The following MUC5B variants were observed in gnomAD, a reference collection of about 807,000 sequenced individuals.
MUC5B encodes mucin 5B, oligomeric mucus/gel-forming.
In MUC5B, 116 loss-of-function variants were observed where a neutral mutation model predicts 376.9. The observed-to-expected ratio is 0.31, with a 90% CI of 0.26 to 0.36. The LOEUF (loss-of-function observed/expected upper bound fraction) is 0.36. Ranked by LOEUF, MUC5B falls within the 10% of genes least tolerant of loss-of-function variation. The pLI is 1.00. For missense variants in MUC5B, 7,165 were observed against 7,769.9 expected (o/e 0.92, Z 2.93); for synonymous variants, 3,517 against 3,390.9 (o/e 1.04, Z -1.29).
chr11:1,249,260 G>A lies in MUC5B; in HGVS notation c.12380G>A (p.Gly4127Asp). 1.2e-6 allele frequency: 2 copies of A among 1,611,472 alleles called. No individual in the cohort carries two copies. Among genetic ancestry groups the A allele is most frequent in the Non-Finnish European group, 1.7e-6 (2 of 1,179,598 alleles). The change falls in exon 31 of 49, where the codon GGC (glycine) becomes GAC (aspartate). Residue 4127 changes from glycine to aspartate, a missense_variant. Physicochemically the swap from Gly to Asp is moderately conservative, Grantham distance 94 (BLOSUM62 -1). Coordinates refer to ENST00000529681, the MANE Select transcript of MUC5B (RefSeq NM_002458.3). Reference protein sequence around the residue: ...SAPITTVVTTGCEPQCAWSEW... With the variant: ...SAPITTVVTTDCEPQCAWSEW... ...CCCATAACCACGGTGGTGACCACGG[G>A]CTGTGAGCCCCAGTGTGCCTGGTCA...
At position 1,247,676 on chromosome 11, in the gene MUC5B, C is replaced by A. The variant is rs762446473; in HGVS notation, c.10796C>A (p.Ser3599Tyr). 4 of 1,596,748 alleles carry A rather than the reference C, an allele frequency of 2.5e-6. No homozygotes were observed. The highest frequency in any genetic ancestry group is 3.4e-6 in the Non-Finnish European group (4 of 1,169,616). ...TCTGGCGGGGACTTTGACACCTACTCCAACATCCGTGCGGCCGGAGGGGCA... is the reference window on the plus strand; with the variant it reads ...TCTGGCGGGGACTTTGACACCTACTACAACATCCGTGCGGCCGGAGGGGCA... ...GPSGGDFDTY[S>Y]NIRAAGGAVC... Residue 3599 changes from serine (S) to tyrosine (Y), a missense_variant, in exon 31 of 49, where the codon TCC becomes TAC. Coordinates refer to ENST00000529681, the MANE Select transcript of MUC5B (RefSeq NM_002458.3).
rs775767600 is a variant in MUC5B at position 1,247,275 on chromosome 11, C to A, written c.10395C>A (p.His3465Gln). ...GGTCCCTGCCCCCCAGCAGTCCCCA[C>A]ACGGTGCGCACAGCCTGGACTTCGG... is the stretch of plus-strand genomic sequence containing the variant. ...HGRSLPPSSP[H>Q]TVRTAWTSAT... is the part of the protein sequence containing the mutation. The change falls in exon 31 of 49, where the codon CAC becomes CAA. Residue 3465 changes from histidine to glutamine, a missense_variant. His to Gln is a conservative substitution (Grantham distance 24). Around this residue, in one of 31 missense-constraint regions of MUC5B, gnomAD observed 939 missense variants for 770.6 expected, o/e 1.22. Transcript: ENST00000529681. The A allele has an allele frequency of 8.7e-6, 14 of 1,611,964 alleles. No homozygotes were observed. The African/African-American group carries it at 1.6e-4, about 18-fold the overall frequency.
chr11:1,244,583 C>T lies in MUC5B; in HGVS notation c.7703C>T (p.Ser2568Phe), dbSNP rs776484432. Reference sequence around the variant, plus strand: ...GCCACCATGTCCACAGCCACACCCTCCTCCACTCCAGAGACTGTCCACACC... The same window carrying T: ...GCCACCATGTCCACAGCCACACCCTTCTCCACTCCAGAGACTGTCCACACC... ...PTATMSTATP[S>F]STPETVHTST... The change falls in exon 31 of 49, where the codon TCC becomes TTC. Residue 2568 changes from serine (S) to phenylalanine (F), a missense_variant. Ser to Phe is a radical substitution (Grantham distance 155). This residue lies in a region of MUC5B where 194 missense variants were observed against 268.5 expected (regional missense o/e 0.72). Transcript: ENST00000529681. 6 of 1,613,424 alleles carry T rather than the reference C, an allele frequency of 3.7e-6. No homozygotes were observed.
chr11:1,245,346 C>T lies in MUC5B; in HGVS notation c.8466C>T (p.Pro2822=). 1 of 1,595,444 alleles carries T rather than the reference C, an allele frequency of 6.3e-7. No individual in the cohort carries two copies. Among genetic ancestry groups the T allele is most frequent in the African/African-American group, 1.4e-5 (1 of 72,476 alleles). Residue 2822 remains proline (P), a synonymous_variant, in exon 31 of 49, where the codon CCC becomes CCT. Coordinates refer to ENST00000529681, the MANE Select transcript of MUC5B (RefSeq NM_002458.3). ...CTAGCAGCAGGACCACCGAGTCACC[C>T]CCTTCTCCAGGGACGACCACCCCGG... ...PHPSSRTTES[P]PSPGTTTPGH... is the part of the protein sequence containing the mutation.
Position 1,236,579 on chromosome 11 carries a change from C to A in MUC5B, c.3057+17C>A, listed in dbSNP as rs1436637865. On this transcript the variant is annotated intron_variant, in intron 24 of 48. Coordinates refer to ENST00000529681, the MANE Select transcript of MUC5B (RefSeq NM_002458.3). ...GACTACAAGGTGAGCTCGGGCCGTGCACTCCTAGGCCCTGCAGGACCCTCT... is the reference window on the plus strand; with the variant it reads ...GACTACAAGGTGAGCTCGGGCCGTGAACTCCTAGGCCCTGCAGGACCCTCT... 1 of 1,607,630 alleles carries A rather than the reference C, an allele frequency of 6.2e-7. No individual in the cohort carries two copies. Among genetic ancestry groups the A allele is most frequent in the Non-Finnish European group, 8.5e-7 (1 of 1,176,478 alleles).
At position 1,225,593 on chromosome 11, in the gene MUC5B, C is replaced by T. The variant is rs562213970; in HGVS notation, c.71-88C>T. 1.6e-4 allele frequency: 200 copies of T among 1,234,982 alleles called. 1 individual carries two copies. The South Asian group carries it at 2.2e-3, about 14-fold the overall frequency. 76.5% of individuals were successfully genotyped at this position (1,234,982 alleles called of 1,614,324 possible). On this transcript the variant is annotated intron_variant, in intron 1 of 48. Transcript: ENST00000529681. ...CCAAGGACCCCACATGCGGCTGCCGCACCAGGGATGTGGCCAGGTCCGTGG... is the reference window on the plus strand; with the variant it reads ...CCAAGGACCCCACATGCGGCTGCCGTACCAGGGATGTGGCCAGGTCCGTGG...
intron 6 of MUC5B, 75 bp downstream of exon 6, chr11:1,227,473 G>A: frequency 8.3e-7 from 1 of 1,210,702 alleles, no homozygotes; most frequent in Non-Finnish European, 1.2e-6. Context: ...GGGGAGGCCG[G>A]GAGGGGGCGG....
chr11:1,260,342 C>T lies in MUC5B; in HGVS notation c.16924-9C>T. 9 of 1,612,290 alleles carry T rather than the reference C, an allele frequency of 5.6e-6. No individual in the cohort carries two copies. Among genetic ancestry groups the T allele is most frequent in the Non-Finnish European group, 7.6e-6 (9 of 1,179,604 alleles). On this transcript the variant is annotated splice_polypyrimidine_tract_variant and intron_variant, in intron 46 of 48. Coordinates refer to ENST00000529681, the MANE Select transcript of MUC5B (RefSeq NM_002458.3). ...CACAGCCCTGCCCCCTGTCTTTGGC[C>T]CCCACCAGGGGAGCCTCAGGAAAAC...
In MUC5B at chr11:1,239,631, C is replaced by T. The variant is rs560121554; in HGVS notation, c.3583+65C>T. Reference sequence around the variant, plus strand: ...GGGTTCCCGAGTGTACGTGGGGGGGCGGGGATCCCCAGGGACGCGGTGTAG... The same window carrying T: ...GGGTTCCCGAGTGTACGTGGGGGGGTGGGGATCCCCAGGGACGCGGTGTAG... On this transcript the variant is annotated intron_variant, in intron 27 of 48. Coordinates refer to ENST00000529681, the MANE Select transcript of MUC5B (RefSeq NM_002458.3). 8.0e-4 allele frequency: 1,222 copies of T among 1,518,938 alleles called. 19 individuals carry two copies. In the South Asian group the frequency reaches 0.014, roughly 18 times the overall value. 94.1% of individuals were successfully genotyped at this position (1,518,938 alleles called of 1,614,324 possible). A position where few individuals can be genotyped will look rare whatever the true frequency, so the allele number is the denominator to read the frequency against.
rs908325959 is a variant in MUC5B at position 1,228,725 on chromosome 11, G to C, written c.936G>C (p.Ala312=). The C allele has an allele frequency of 4.6e-6, 7 of 1,524,266 alleles. No homozygotes were observed. The highest frequency in any genetic ancestry group is 6.1e-6 in the Non-Finnish European group (7 of 1,138,308). 94.4% of individuals were successfully genotyped at this position (1,524,266 alleles called of 1,614,324 possible). A position where few individuals can be genotyped will look rare whatever the true frequency, so the allele number is the denominator to read the frequency against. ...AATACTCACGCCAGTGCGCCCACGC[G>C]GGGGGCCAGCCGCGGAACTGGAGGT... The part of the protein sequence containing the change: ...FVEYSRQCAH[A]GGQPRNWRCP... Residue 312 remains alanine (A), a synonymous_variant, in exon 8 of 49, where the codon GCG becomes GCC. Transcript: ENST00000529681.
chr11:1,232,325 A>C, intron 15 of MUC5B, 125 bp from the exon 16 acceptor site: 1 of 1,350,712 alleles, frequency 7.4e-7, no homozygotes, highest in Non-Finnish European at 1.0e-6. Flanking sequence ...GAACCCCCCA[A>C]GGCGCAGCAG....
chr11:1,251,255 T>G lies in MUC5B; in HGVS notation c.14375T>G (p.Val4792Gly). 2 of 1,611,092 alleles carry G rather than the reference T, an allele frequency of 1.2e-6. 1 individual carries two copies. ...STPETTHTST[V>G]LTTTATMTRA... is the part of the protein sequence containing the mutation. ...CCAGAGACCACCCACACCTCCACAG[T>G]GCTGACCACCACAGCCACCATGACA... The change falls in exon 31 of 49, where the codon GTG becomes GGG. Residue 4792 changes from valine (V) to glycine (G), a missense_variant. Physicochemically the swap from Val to Gly is moderately radical, Grantham distance 109 (BLOSUM62 -3). Transcript: ENST00000529681.
At chr11:1,235,691 G>A (rs1479201963) in intron 23 of MUC5B, among the ~76,000 whole-genome samples, 2 of 152,172 alleles carry the variant, frequency 1.3e-5, no homozygotes, top group African/African-American at 2.4e-5. Flanking sequence ...GGCGGCAGGC[G>A]TCCCTGGGCT....
intron 1 of MUC5B, among the ~76,000 whole-genome samples, chr11:1,224,323 G>A (rs948384868): frequency 7.2e-5 from 11 of 152,144 alleles, no homozygotes; most frequent in Admixed American, 6.5e-4. Context: ...CTTCATGTTA[G>A]GGGACACACC....
Position 1,258,934 on chromosome 11 carries a change from C to G in MUC5B, c.16594-8C>G. ...GTGCCCTCAGTGCCACCCTCCCACC[C>G]CTTGCAGGTTGGTGCAACCTTCCCA... On this transcript the variant is annotated splice_region_variant and splice_polypyrimidine_tract_variant and intron_variant, in intron 43 of 48. Transcript: ENST00000529681. This position sits in a 1 kb window ranked among gnomAD's most constrained non-coding sequence, Gnocchi z 5.5. The G allele has an allele frequency of 6.4e-7, 1 of 1,550,718 alleles. No individual in the cohort carries two copies. Among genetic ancestry groups the G allele is most frequent in the South Asian group, 1.2e-5 (1 of 84,086 alleles).
In MUC5B at chr11:1,234,720, C is replaced by T. The variant is rs565670715; in HGVS notation, c.2630+40C>T. 3.3e-4 allele frequency: 16 copies of T among 48,762 alleles called. No homozygotes were observed. Among genetic ancestry groups the T allele is most frequent in the Admixed American group, 1.1e-3 (3 of 2,616 alleles). 3.0% of individuals were successfully genotyped at this position (48,762 alleles called of 1,614,324 possible). A position where few individuals can be genotyped will look rare whatever the true frequency, so the allele number is the denominator to read the frequency against. On this transcript the variant is annotated intron_variant, in intron 21 of 48. Transcript: ENST00000529681. This position sits in a 1 kb window ranked among gnomAD's most constrained non-coding sequence, Gnocchi z 6.3. The stretch of plus-strand genomic sequence containing the variant: ...TCTCGGAGGCAGCAGGTGGGGAGGG[C>T]GGGGGCGGGGAGGGCAGCGGGTGGG...
In MUC5B at chr11:1,252,504, A is replaced by G. The variant is rs768772167; in HGVS notation, c.15025A>G (p.Asn5009Asp). 6.4e-7 allele frequency: 1 copy of G among 1,564,114 alleles called. No homozygotes were observed. The change falls in exon 32 of 49, where the codon AAT becomes GAT. Residue 5009 changes from asparagine to aspartate, a missense_variant. Transcript: ENST00000529681. ...SSPSPAPGCD[N>D]AIPLRQVNET... ...GCCCTCCCCTGCCCCTGGCTGTGAC[A>G]ATGCCATCCCTCTCCGGCAGGTGGG...
In MUC5B at chr11:1,242,540, G is replaced by C. The variant is rs193053601; in HGVS notation, c.5660G>C (p.Ser1887Thr). Reference protein sequence around the residue: ...LCCDDYSHCPSTPATSSTATP... With the variant: ...LCCDDYSHCPTTPATSSTATP... ...TGTGACGACTACAGCCACTGCCCCA[G>C]TACCCCAGCCACCAGCTCCACGGCC... Residue 1887 changes from serine (S) to threonine (T), a missense_variant, in exon 31 of 49, where the codon AGT becomes ACT. Ser to Thr is a moderately conservative substitution (Grantham distance 58). Around this residue, in one of 31 missense-constraint regions of MUC5B, gnomAD observed 897 missense variants for 779.6 expected, o/e 1.15. Transcript: ENST00000529681. 1.1e-4 allele frequency: 170 copies of C among 1,613,772 alleles called. No individual in the cohort carries two copies. The African/African-American group carries it at 1.9e-3, about 18-fold the overall frequency.
chr11:1,225,581 A>G (rs1450713208), intron 1 of MUC5B, 100 bp from the exon 2 acceptor site: 3 of 1,095,658 alleles, frequency 2.7e-6, no homozygotes, highest in Non-Finnish European at 4.0e-6. Context: ...AGGACCCCAC[A>G]TGCGGCTGCC....
Sources: allele counts gnomAD v4.1 joint callset (sites outside exome capture counted in the v4.1 genomes callset), GRCh38; gene constraint gnomAD v4.1.1; regional missense constraint gnomAD v4.1.1; non-coding constraint Gnocchi (gnomAD v3.1); transcripts MANE v1.5; gene names NCBI Gene and HGNC (gene_info 2026-07-23, HGNC 2026-07-21).